The following PLSCR2 variants were observed in gnomAD, a reference collection of about 807,000 sequenced individuals.
PLSCR2 encodes PL scramblase 2.
A neutral mutation model predicts 25.3 loss-of-function variants in PLSCR2; 18 were observed. The observed-to-expected ratio is 0.71, with a 90% confidence interval of 0.49 to 1.06. PLSCR2 has a LOEUF of 1.06. Ranked by LOEUF, PLSCR2 falls within the 50% of genes least tolerant of loss-of-function variation. The probability of loss-of-function intolerance (pLI) is 0.00; values close to 1 mark genes in which losing one functional copy is unlikely to be tolerated. For synonymous variants in PLSCR2, 88 were observed against 87.3 expected (o/e 1.01, Z -0.04); for missense variants, 243 against 269.5 (o/e 0.90, Z 0.69).
chr3:146,470,098 C>T (rs1041190838), intron 1 of PLSCR2, among the ~76,000 whole-genome samples: 1 of 152,132 alleles, frequency 6.6e-6, no homozygotes, highest in African/African-American at 2.4e-5. Context: ...GCCCTTCTCC[C>T]TTTTCTTTCC....
intron 3 of PLSCR2, among the ~76,000 whole-genome samples, chr3:146,458,045 A>G (rs1185752673): frequency 6.6e-6 from 1 of 152,206 alleles, no homozygotes; most frequent in Non-Finnish European, 1.5e-5. Context: ...TATAATACAC[A>G]AACACAAGGT....
chr3:146,399,465 A>G (rs1461778523), intron 2 of PLSCR2, among the ~76,000 whole-genome samples: 1 of 151,920 alleles, frequency 6.6e-6, no homozygotes, highest in African/African-American at 2.4e-5. Context: ...ATATACACAC[A>G]TAGTATAAAT....
chr3:146,492,809 T>C (rs139798178), intron 1 of PLSCR2, among the ~76,000 whole-genome samples: 39 of 152,018 alleles, frequency 2.6e-4, no homozygotes, highest in African/African-American at 8.9e-4. Flanking sequence ...CCAGAGCTAA[T>C]TGAATGAATA....
At chr3:146,477,424 G>T (rs1231903190) in intron 1 of PLSCR2, among the ~76,000 whole-genome samples, 3 of 152,232 alleles carry the variant, frequency 2.0e-5, no homozygotes, top group African/African-American at 7.2e-5. Flanking sequence ...AGCAGACTAG[G>T]AAATTCTCTC....
chr3:146,475,343 G>C (rs920536784), intron 1 of PLSCR2, among the ~76,000 whole-genome samples: 11 of 152,032 alleles, frequency 7.2e-5, no homozygotes, highest in African/African-American at 2.7e-4. Context: ...CCATTTTGTG[G>C]GGGCCATTTT....
intron 4 of PLSCR2, 76 bp from the exon 5 acceptor site, chr3:146,454,239 G>T: frequency 9.4e-7 from 1 of 1,061,120 alleles, no homozygotes; most frequent in Non-Finnish European, 1.3e-6. Flanking sequence ...AATTTACTGA[G>T]CATTTCCTAA....
intron 2 of PLSCR2, among the ~76,000 whole-genome samples, chr3:146,406,430 C>T (rs1360704046): frequency 2.0e-5 from 3 of 152,066 alleles, no homozygotes; most frequent in South Asian, 2.1e-4. Context: ...TACGGGCTGG[C>T]TCTGGGAACA....
upstream of PLSCR2, among the ~76,000 whole-genome samples, chr3:146,460,576 A>G (rs1014472658): frequency 6.6e-6 from 1 of 152,242 alleles, no homozygotes. Context: ...CAATGGGGAG[A>G]TGGGGTTGAC....
downstream of PLSCR2, among the ~76,000 whole-genome samples, chr3:146,431,695 C>A (rs991905216): frequency 3.9e-5 from 6 of 152,092 alleles, no homozygotes; most frequent in African/African-American, 1.2e-4. Context: ...AACCCTCTGG[C>A]AAAGTAGCCT....
At chr3:146,429,785 C>T (rs1468744491), downstream of PLSCR2, among the ~76,000 whole-genome samples, 6 of 152,020 alleles carry the variant, frequency 3.9e-5, no homozygotes, top group South Asian at 2.1e-4. Flanking sequence ...GCCACCACAC[C>T]CAGCTAATTT....
intron 8 of PLSCR2, among the ~76,000 whole-genome samples, chr3:146,433,936 A>C (rs2039663757): frequency 6.6e-6 from 1 of 152,130 alleles, no homozygotes; most frequent in Admixed American, 6.6e-5. Context: ...CTGAAGCTGA[A>C]AGGGATACCC....
At chr3:146,425,432 G>A (rs927846874) in intron 2 of PLSCR2, among the ~76,000 whole-genome samples, 1 of 152,164 alleles carries the variant, frequency 6.6e-6, no homozygotes, top group Non-Finnish European at 1.5e-5. Flanking sequence ...TATGTGGCAA[G>A]TCATATGTAG....
intron 2 of PLSCR2, among the ~76,000 whole-genome samples, chr3:146,402,652 T>C (rs1277726538): frequency 6.6e-6 from 1 of 152,080 alleles, no homozygotes. Context: ...GTATTTTTAG[T>C]AGAGATGTGA....
rs34135074 is a variant in PLSCR2 at position 146,486,382 on chromosome 3, C to CTGTTT, written c.-293+9512_-293+9513insAAACA. Among the ~76,000 whole-genome samples, 504 of 144,900 alleles carry CTGTTT rather than the reference C, an allele frequency of 3.5e-3. 1 individual carries two copies. Among genetic ancestry groups the CTGTTT allele is most frequent in the South Asian group, 0.015 (68 of 4,644 alleles). Reference sequence around the variant, plus strand: ...CAAAAAAAATCAATGAATCCAGGAGCTTTTTTTTTTTGAAAATATTAATAA... The same window carrying CTGTTT: ...CAAAAAAAATCAATGAATCCAGGAGCTGTTTTTTTTTTTTTTGAAAATATTAATAA... On this transcript the variant is annotated intron_variant, in intron 1 of 8. Transcript: ENST00000336685.
intron 2 of PLSCR2, among the ~76,000 whole-genome samples, chr3:146,402,448 A>G (rs1368793393): frequency 6.6e-6 from 1 of 152,086 alleles, no homozygotes; most frequent in African/African-American, 2.4e-5. Context: ...TGTTAGTCTA[A>G]CATACATTAA....
intron 1 of PLSCR2, among the ~76,000 whole-genome samples, chr3:146,466,159 T>A (rs2108461949): frequency 6.6e-6 from 1 of 152,158 alleles, no homozygotes; most frequent in African/African-American, 2.4e-5. Context: ...GCTTTTACAG[T>A]TTTGTTTGTT....
At chr3:146,420,802 G>C (rs1163866349) in intron 2 of PLSCR2, among the ~76,000 whole-genome samples, 1 of 152,054 alleles carries the variant, frequency 6.6e-6, no homozygotes, top group Non-Finnish European at 1.5e-5. Context: ...ATTGTATTAT[G>C]CTTCAGCCCA....
intron 3 of PLSCR2, among the ~76,000 whole-genome samples, chr3:146,457,368 C>A (rs1344976873): frequency 6.6e-6 from 1 of 152,194 alleles, no homozygotes; most frequent in Non-Finnish European, 1.5e-5. Context: ...GGCAGCTGTT[C>A]TGAAGCATCT....
intron 2 of PLSCR2, among the ~76,000 whole-genome samples, chr3:146,407,980 C>T (rs1228676835): frequency 3.3e-5 from 5 of 152,092 alleles, no homozygotes. Context: ...ATTTAAACAC[C>T]TTGTGGGAGA....
Sources: allele counts gnomAD v4.1 joint callset (sites outside exome capture counted in the v4.1 genomes callset), GRCh38; gene constraint gnomAD v4.1.1; transcripts MANE v1.5; gene names NCBI Gene and HGNC (gene_info 2026-07-23, HGNC 2026-07-21).